The following HTRA1 variants were observed in gnomAD, a reference collection of about 807,000 sequenced individuals.
The protein encoded by HTRA1 is serine protease HTRA1.
HTRA1 carries 26 observed loss-of-function variants against 49.7 expected under a neutral mutation model. The observed-to-expected ratio is 0.52, with a 90% confidence interval of 0.38 to 0.73. The LOEUF is 0.73. HTRA1 is among the 30% of genes least tolerant of loss of function. The pLI is 0.00. For synonymous variants in HTRA1, 291 were observed against 286.9 expected, an observed-to-expected ratio of 1.01 and a Z score of -0.14; for missense variants, 561 against 667.2, an observed-to-expected ratio of 0.84 and a Z score of 1.75.
intron 6 of HTRA1, among the ~76,000 whole-genome samples, chr10:122,509,507 G>C (rs2097504620): frequency 1.3e-5 from 2 of 152,232 alleles, no homozygotes. Flanking sequence ...AGTGGCCTGA[G>C]GGCCGGAGCA....
At chr10:122,489,936 C>T (rs2097494993) in intron 3 of HTRA1, among the ~76,000 whole-genome samples, 1 of 152,158 alleles carries the variant, frequency 6.6e-6, no homozygotes, top group Admixed American at 6.5e-5. Context: ...CCTTCCCATT[C>T]CCAATCCTGT....
chr10:122,495,640 A>T (rs866804316), intron 3 of HTRA1, among the ~76,000 whole-genome samples: 1 of 151,984 alleles, frequency 6.6e-6, no homozygotes, highest in South Asian at 2.1e-4. Flanking sequence ...CTTTGGCTAT[A>T]TTTTTCTCTT....
intron 3 of HTRA1, among the ~76,000 whole-genome samples, chr10:122,501,961 G>GTTTTTTTT (rs541582341): frequency 1.4e-5 from 1 of 73,494 alleles, no homozygotes; most frequent in African/African-American, 5.9e-5. Flanking sequence ...TCCATTTGGA[G>GTTTTTTTT]TTTTTTTTTT....
intron 3 of HTRA1, among the ~76,000 whole-genome samples, chr10:122,493,361 A>T (rs1259587668): frequency 6.6e-6 from 1 of 152,198 alleles, no homozygotes; most frequent in African/African-American, 2.4e-5. Context: ...GTGCGTGTAA[A>T]CATGTTAATA....
intron 1 of HTRA1, among the ~76,000 whole-genome samples, chr10:122,473,395 T>A (rs1011043488): frequency 6.6e-6 from 1 of 152,198 alleles, no homozygotes; most frequent in African/African-American, 2.4e-5. Context: ...ATGCCAGCTC[T>A]GTCCAGGATG....
intron 3 of HTRA1, among the ~76,000 whole-genome samples, chr10:122,498,770 C>T (rs1434804016): frequency 3.9e-5 from 6 of 152,194 alleles, no homozygotes; most frequent in South Asian, 2.1e-4. Context: ...GCCCTGAGCT[C>T]GCTGTTTTAA....
Position 122,506,577 on chromosome 10 carries a change from C to T in HTRA1, c.778-114C>T. The T allele has an allele frequency of 1.1e-6, 1 of 897,176 alleles. No homozygotes were observed. The highest frequency in any genetic ancestry group is 1.8e-6 in the Non-Finnish European group (1 of 548,424). 55.6% of individuals were successfully genotyped at this position (897,176 alleles called of 1,614,324 possible). On this transcript the variant is annotated intron_variant, in intron 3 of 8. Coordinates refer to ENST00000368984, the MANE Select transcript of HTRA1 (RefSeq NM_002775.5). The surrounding 1 kb of genome is among the most constrained non-coding windows in gnomAD (Gnocchi z 5.2). ...TTGTGAGCTCAGTTCCCCACCGGGC[C>T]TGGTGTTTCCAAATAGCCCGTCACT...
Position 122,510,131 on chromosome 10 carries a change from C to G in HTRA1, c.1156C>G (p.Arg386Gly). 6.2e-7 allele frequency: 1 copy of G among 1,613,946 alleles called. No individual in the cohort carries two copies. The highest frequency in any genetic ancestry group is 1.3e-5 in the African/African-American group (1 of 75,038). ...AITKKKYIGI[R>G]MMSLTSSKAK... ...CACCAAGAAGAAGTATATTGGTATCCGAATGATGTCACTCACGTCCAGGTG... is the reference window on the plus strand; with the variant it reads ...CACCAAGAAGAAGTATATTGGTATCGGAATGATGTCACTCACGTCCAGGTG... The change falls in exon 7 of 9, where the codon CGA becomes GGA. Residue 386 changes from arginine (R) to glycine (G), a missense_variant. Arg to Gly is a moderately radical substitution (Grantham distance 125, BLOSUM62 -2). Around this residue, in one of 3 missense-constraint regions of HTRA1, gnomAD observed 179 missense variants for 173.4 expected, o/e 1.03. Transcript: ENST00000368984.
intron 1 of HTRA1, among the ~76,000 whole-genome samples, chr10:122,468,495 CTT>C (rs938686283): frequency 1.5e-5 from 2 of 134,310 alleles, no homozygotes; most frequent in African/African-American, 5.4e-5. Flanking sequence ...CTGGGACACT[CTT>C]GTCTCCCTGG....
intron 8 of HTRA1, among the ~76,000 whole-genome samples, chr10:122,513,055 C>T (rs2097506336): frequency 6.6e-6 from 1 of 152,082 alleles, no homozygotes; most frequent in South Asian, 2.1e-4. Flanking sequence ...TCTATGGTGG[C>T]TTTTGTGCTG....
intron 1 of HTRA1, among the ~76,000 whole-genome samples, chr10:122,476,263 G>A (rs1242270899): frequency 1.3e-5 from 2 of 152,160 alleles, no homozygotes; most frequent in African/African-American, 4.8e-5. Flanking sequence ...GCCTGCTCCC[G>A]TTGTGCTTCT....
At position 122,488,834 on chromosome 10, in the gene HTRA1, C is replaced by T. The variant is rs1044830787; in HGVS notation, c.473-68C>T. 6.5e-5 allele frequency: 82 copies of T among 1,263,082 alleles called. No homozygotes were observed. In the African/African-American group the frequency reaches 1.2e-3, roughly 18 times the overall value. The allele number at this position is 1,263,082 out of a possible 1,614,324, so 78.2% of individuals were successfully genotyped here. A position where few individuals can be genotyped will look rare whatever the true frequency, so the allele number is the denominator to read the frequency against. On this transcript the variant is annotated intron_variant, in intron 1 of 8. Transcript: ENST00000368984. Reference sequence around the variant, plus strand: ...GGGCATGCATCTTGGCTTCCTCTAACCCATGTCTTTCTCTAGGTGGCCACA... The same window carrying T: ...GGGCATGCATCTTGGCTTCCTCTAATCCATGTCTTTCTCTAGGTGGCCACA...
chr10:122,510,880 CAT>C (rs1233750660), intron 7 of HTRA1, among the ~76,000 whole-genome samples: 2 of 152,192 alleles, frequency 1.3e-5, no homozygotes, highest in Admixed American at 6.5e-5. Context: ...TATTTTGATA[CAT>C]GTTATGAATG....
chr10:122,496,228 CTTTTTTTTTTT>C (rs71026021), intron 3 of HTRA1, among the ~76,000 whole-genome samples: 1 of 75,646 alleles, frequency 1.3e-5, no homozygotes, highest in African/African-American at 5.4e-5. Flanking sequence ...ATTGTGGGTT[CTTTTTTTTTTT>C]TTTTTTTTTT....
At chr10:122,500,755 C>T (rs1407493433) in intron 3 of HTRA1, among the ~76,000 whole-genome samples, 1 of 152,210 alleles carries the variant, frequency 6.6e-6, no homozygotes, top group East Asian at 1.9e-4. Flanking sequence ...CCCAACTTTT[C>T]TGCCCTGGGG....
chr10:122,478,970 A>G (rs964496336), intron 1 of HTRA1, among the ~76,000 whole-genome samples: 10 of 152,250 alleles, frequency 6.6e-5, no homozygotes, highest in Non-Finnish European at 1.0e-4. Context: ...CATATTATGT[A>G]GCTAGTCTTG....
At chr10:122,488,003 G>T (rs978283829) in intron 1 of HTRA1, among the ~76,000 whole-genome samples, 1 of 152,168 alleles carries the variant, frequency 6.6e-6, no homozygotes, top group African/African-American at 2.4e-5. Flanking sequence ...TCCCGGGCAG[G>T]GTTGGAACGT....
At chr10:122,509,290 A>G (rs2097504525) in intron 6 of HTRA1, among the ~76,000 whole-genome samples, 1 of 152,174 alleles carries the variant, frequency 6.6e-6, no homozygotes, top group Non-Finnish European at 1.5e-5. Context: ...CAAACACATA[A>G]GATACTATTA....
chr10:122,512,618 T>C (rs28633933), intron 8 of HTRA1, among the ~76,000 whole-genome samples: 96,420 of 151,736 alleles, frequency 0.64, 30,901 homozygotes, highest in Middle Eastern at 0.72. Flanking sequence ...CAAATGTGCC[T>C]TGGGGGCTGG....
Sources: allele counts gnomAD v4.1 joint callset (sites outside exome capture counted in the v4.1 genomes callset), GRCh38; gene constraint gnomAD v4.1.1; regional missense constraint gnomAD v4.1.1; non-coding constraint Gnocchi (gnomAD v3.1); transcripts MANE v1.5; gene names NCBI Gene and HGNC (gene_info 2026-07-23, HGNC 2026-07-21).